The following STPG1 variants were observed in gnomAD, a reference collection of about 807,000 sequenced individuals.
The protein encoded by STPG1 is sperm tail PG-rich repeat containing 1, also known as O(6)-methylguanine-induced apoptosis 2.
A neutral mutation model predicts 40.1 loss-of-function variants in STPG1; 33 were observed. The observed-to-expected ratio is 0.82, with a 90% confidence interval of 0.62 to 1.10. The LOEUF (loss-of-function observed/expected upper bound fraction) is 1.10, where lower values mean the gene tolerates loss of function less well. Among genes scored for constraint, STPG1 ranks in the 50% least tolerant of loss-of-function variants. The pLI, the probability that STPG1 is intolerant of heterozygous loss-of-function variation, is 0.00. For synonymous variants in STPG1, 150 were observed against 155.0 expected (o/e 0.97, Z 0.24); for missense variants, 396 against 415.1 (o/e 0.95, Z 0.40).
intron 6 of STPG1, 22 bp downstream of exon 6, chr1:24,373,680 C>T (rs759110114): frequency 6.5e-7 from 1 of 1,528,958 alleles, no homozygotes; most frequent in African/African-American, 1.4e-5. Context: ...TAGGTCAAGG[C>T]CAGTGCAAAG....
intron 7 of STPG1, among the ~76,000 whole-genome samples, chr1:24,364,985 T>C (rs1462717525): frequency 6.6e-6 from 1 of 152,140 alleles, no homozygotes; most frequent in African/African-American, 2.4e-5. Flanking sequence ...CAGGCACACA[T>C]TCACTCGCCT....
intron 3 of STPG1, among the ~76,000 whole-genome samples, chr1:24,387,805 A>G (rs950224770): frequency 6.6e-6 from 1 of 152,206 alleles, no homozygotes; most frequent in African/African-American, 2.4e-5. Context: ...GCAGGGAGGC[A>G]GGACAGACCC....
intron 1 of STPG1, among the ~76,000 whole-genome samples, chr1:24,408,303 C>A (rs1643488059): frequency 6.6e-6 from 1 of 152,234 alleles, no homozygotes. Flanking sequence ...GCAACATTCC[C>A]AGTTCTGTTT....
At chr1:24,364,410 G>A (rs1641322577) in intron 7 of STPG1, 2 of 1,500,538 alleles carry the variant, frequency 1.3e-6, no homozygotes, top group Non-Finnish European at 1.8e-6. Context: ...ACGACGGCAG[G>A]TCACATCTGA....
At chr1:24,393,349 C>A (rs1642859832) in intron 2 of STPG1, among the ~76,000 whole-genome samples, 1 of 152,264 alleles carries the variant, frequency 6.6e-6, no homozygotes. Flanking sequence ...CTTCTCCTCC[C>A]CTCCCCATTT....
At chr1:24,392,396 G>C (rs1483611732) in intron 2 of STPG1, among the ~76,000 whole-genome samples, 1 of 152,176 alleles carries the variant, frequency 6.6e-6, no homozygotes, top group Non-Finnish European at 1.5e-5. Context: ...AATGGACTCT[G>C]ACTCCAGTTT....
intron 2 of STPG1, among the ~76,000 whole-genome samples, chr1:24,396,637 G>A (rs1225267094): frequency 6.6e-6 from 1 of 152,124 alleles, no homozygotes; most frequent in Non-Finnish European, 1.5e-5. Flanking sequence ...GGTCAGATTT[G>A]GTCCAAGGAG....
At chr1:24,409,899 A>G (rs976293932) in intron 1 of STPG1, among the ~76,000 whole-genome samples, 2 of 152,216 alleles carry the variant, frequency 1.3e-5, no homozygotes, top group Non-Finnish European at 2.9e-5. Flanking sequence ...CAAGCTGTAA[A>G]GTGCCTCCTT....
Position 24,369,769 on chromosome 1 carries a change from T to C in STPG1, c.642A>G (p.Lys214=). The part of the protein sequence containing the change: ...PNTLMSCFKS[K]TNRGLKLTST... ...ACGTCAGTTTTAATCCACGGTTGGT[T>C]TTTGATTTAAAACAAGACATTAATG... Residue 214 remains lysine, a synonymous_variant, in exon 7 of 9, where the codon AAA becomes AAG. Transcript: ENST00000337248. The C allele has an allele frequency of 6.2e-7, 1 of 1,613,304 alleles. No individual in the cohort carries two copies. The highest frequency in any genetic ancestry group is 8.5e-7 in the Non-Finnish European group (1 of 1,179,344).
intron 2 of STPG1, among the ~76,000 whole-genome samples, chr1:24,396,299 C>CT (rs58386447): frequency 0.031 from 4,406 of 144,366 alleles, 235 homozygotes; most frequent in African/African-American, 0.12. Flanking sequence ...ATCTATCTAT[C>CT]ATCTATCTAT....
intron 1 of STPG1, among the ~76,000 whole-genome samples, chr1:24,403,693 T>G (rs1029874142): frequency 1.6e-4 from 24 of 152,112 alleles, no homozygotes; most frequent in African/African-American, 4.6e-4. Flanking sequence ...AACTGATTCC[T>G]AAGTATTTCA....
chr1:24,391,802 G>A, intron 2 of STPG1, 123 bp from the exon 3 acceptor site: 10 of 1,216,660 alleles, frequency 8.2e-6, no homozygotes, highest in Non-Finnish European at 1.1e-5. Context: ...CTTGCCTTTT[G>A]ACAGGAAACA....
intron 3 of STPG1, among the ~76,000 whole-genome samples, chr1:24,386,602 G>A (rs1642515878): frequency 6.6e-6 from 1 of 152,226 alleles, no homozygotes; most frequent in Non-Finnish European, 1.5e-5. Context: ...TTCGTGCAAC[G>A]CCCAAGTAGG....
chr1:24,407,990 C>T (rs961942520), intron 1 of STPG1, among the ~76,000 whole-genome samples: 4 of 152,068 alleles, frequency 2.6e-5, no homozygotes, highest in Admixed American at 2.6e-4. Flanking sequence ...GTTGATTTTC[C>T]TCTCAGATAT....
At position 24,358,039 on chromosome 1, in the gene STPG1, C is replaced by T. The variant is rs1460904836; in HGVS notation, c.*504G>A. ...TCACCTGCCTGCAGGTAGCTTTCGC[C>T]CAGTAGACATACCGTAAGTGAGTGA... is the stretch of plus-strand genomic sequence containing the variant. On this transcript the variant is annotated 3_prime_UTR_variant, in exon 9 of 9. Transcript: ENST00000337248. The T allele has an allele frequency of 1.1e-5, 4 of 361,362 alleles. No homozygotes were observed. Among genetic ancestry groups the T allele is most frequent in the Non-Finnish European group, 2.2e-5 (4 of 181,436 alleles). 22.4% of individuals were successfully genotyped at this position (361,362 alleles called of 1,614,324 possible).
rs560219 is a variant in STPG1, at chr1:24,391,589, C to A, written c.161G>T (p.Ser54Ile). The change falls in exon 3 of 9, where the codon AGT (serine) becomes ATT (isoleucine). Residue 54 changes from serine (S) to isoleucine (I), a missense_variant. Coordinates refer to ENST00000337248, the MANE Select transcript of STPG1 (RefSeq NM_001199013.2). ...IPESEKKGFN[S>I]QAKRFPHKKN... is the part of the protein sequence containing the mutation. Reference sequence around the variant, plus strand: ...CTTATGAGGAAATCTCTTGGCTTGACTATTGAATCCTTTTTTTTCTGATTC... The same window carrying A: ...CTTATGAGGAAATCTCTTGGCTTGAATATTGAATCCTTTTTTTTCTGATTC... 361,628 of 1,542,656 alleles carry A rather than the reference C, an allele frequency of 0.23. 43,129 individuals carry two copies. The highest frequency in any genetic ancestry group is 0.28 in the East Asian group (11,573 of 40,854).
chr1:24,362,368 G>C (rs1385135006), intron 7 of STPG1, among the ~76,000 whole-genome samples: 2 of 152,218 alleles, frequency 1.3e-5, no homozygotes, highest in Non-Finnish European at 2.9e-5. Context: ...GCAATATGGA[G>C]AAAGCATGAT....
chr1:24,359,022 T>C lies in STPG1; in HGVS notation c.929-403A>G, dbSNP rs1482221069. Among the ~76,000 whole-genome samples the C allele has an allele frequency of 6.6e-6, 1 of 152,148 alleles. No individual in the cohort carries two copies. Among genetic ancestry groups the C allele is most frequent in the Non-Finnish European group, 1.5e-5 (1 of 68,034 alleles). ...ATTGCGGACATGGTTCTATAGGAGA[T>C]GAGCAGGGCTTGGGAACTGTAGCCC... On this transcript the variant is annotated intron_variant, in intron 8 of 8. Coordinates refer to ENST00000337248, the MANE Select transcript of STPG1 (RefSeq NM_001199013.2). The surrounding 1 kb of genome is among the most constrained non-coding windows in gnomAD (Gnocchi z 5.3).
intron 1 of STPG1, among the ~76,000 whole-genome samples, chr1:24,403,756 T>C (rs1643314629): frequency 1.3e-5 from 2 of 152,156 alleles, no homozygotes; most frequent in African/African-American, 4.8e-5. Flanking sequence ...TCATTGTTTA[T>C]TGCTGGTATA....
Sources: allele counts gnomAD v4.1 joint callset (sites outside exome capture counted in the v4.1 genomes callset), GRCh38; gene constraint gnomAD v4.1.1; non-coding constraint Gnocchi (gnomAD v3.1); transcripts MANE v1.5; gene names NCBI Gene and HGNC (gene_info 2026-07-23, HGNC 2026-07-21).